Variants in DENND6B observed in about 807,000 individuals in gnomAD.
The protein encoded by DENND6B is protein DENND6B.
DENND6B carries 73 observed loss-of-function variants against 85.1 expected under a neutral mutation model. The ratio of observed to expected loss-of-function variants is 0.86; its 90% confidence interval spans 0.71 to 1.04. The LOEUF (loss-of-function observed/expected upper bound fraction) is 1.04, where lower values mean the gene tolerates loss of function less well. Ranked by LOEUF, DENND6B falls within the 50% of genes least tolerant of loss-of-function variation. The pLI is 0.00. For missense variants in DENND6B, 715 were observed against 785.8 expected, an observed-to-expected ratio of 0.91 and a Z score of 1.08; for synonymous variants, 357 against 329.3, an observed-to-expected ratio of 1.08 and a Z score of -0.91.
chr22:50,325,058 G>A (rs1246407345), intron 1 of DENND6B, among the ~76,000 whole-genome samples: 2 of 152,184 alleles, frequency 1.3e-5, no homozygotes, highest in Non-Finnish European at 2.9e-5. Context: ...AGGGAGGAAA[G>A]GCAAGAGTCA....
At chr22:50,312,725 G>A (rs2068089759) in intron 17 of DENND6B, 100 bp from the exon 18 acceptor site, 2 of 500,148 alleles carry the variant, frequency 4.0e-6, no homozygotes, top group East Asian at 6.5e-5. Flanking sequence ...GGGGGGCCAT[G>A]GGGCTGACCC....
At chr22:50,318,267 T>C (rs1464214478) in intron 3 of DENND6B, among the ~76,000 whole-genome samples, 1 of 152,000 alleles carries the variant, frequency 6.6e-6, no homozygotes, top group Non-Finnish European at 1.5e-5. Context: ...CACTTGAACT[T>C]AGGGGGCGGA....
At position 50,318,967 on chromosome 22, in the gene DENND6B, C is replaced by T. The variant is rs2041950357; in HGVS notation, c.214G>A (p.Glu72Lys). The change falls in exon 2 of 20, where the codon GAG becomes AAG. Residue 72 changes from glutamate to lysine, a missense_variant and splice_region_variant. Transcript: ENST00000413817. ...YPNDFRLTDK[E>K]KSSICYLSFP... ...TTCCCAAGAGGGCCGGGACTCACCT[C>T]CTTGTCTGTGAGCCGGAAGTCGTTC... 1 of 1,606,958 alleles carries T rather than the reference C, an allele frequency of 6.2e-7. No individual in the cohort carries two copies. Among genetic ancestry groups the T allele is most frequent in the East Asian group, 2.2e-5 (1 of 44,624 alleles).
rs1490217003 is a variant in DENND6B at position 50,316,391 on chromosome 22, G to C, written c.538C>G (p.Leu180Val). ...SLIAPEYFDKLAPCLEAVCSE... is the reference protein window; with the variant it reads ...SLIAPEYFDKVAPCLEAVCSE... ...TCACCTGCTTCCAGGCAGGGCGCCA[G>C]CTTGTCAAAGTACTCGGGGGCGATG... Residue 180 changes from leucine (L) to valine (V), a missense_variant, in exon 6 of 20, where the codon CTG (leucine) becomes GTG (valine). Transcript: ENST00000413817. 1 of 1,581,568 alleles carries C rather than the reference G, an allele frequency of 6.3e-7. No homozygotes were observed. Among genetic ancestry groups the C allele is most frequent in the Non-Finnish European group, 8.6e-7 (1 of 1,165,506 alleles).
chr22:50,316,126 C>T, intron 7 of DENND6B, 39 bp from the exon 8 acceptor site: 1 of 1,612,662 alleles, frequency 6.2e-7, no homozygotes, highest in Non-Finnish European at 8.5e-7. Flanking sequence ...GGGAGTAGGG[C>T]ATCCCCACAC....
intron 16 of DENND6B, 128 bp downstream of exon 16, chr22:50,313,318 A>C (rs2068112739): frequency 3.0e-6 from 4 of 1,331,500 alleles, no homozygotes; most frequent in Non-Finnish European, 4.1e-6. Context: ...CCAGTTTCAC[A>C]AACATGATGG....
chr22:50,313,366 T>A (rs2039739042), intron 16 of DENND6B, 80 bp downstream of exon 16: 14 of 1,497,438 alleles, frequency 9.3e-6, no homozygotes, highest in Non-Finnish European at 8.9e-7. Context: ...CACAGCCTCC[T>A]GCTCCAGACC....
Position 50,326,905 on chromosome 22 carries a change from C to T in DENND6B, c.84G>A (p.Ala28=). Residue 28 remains alanine, a synonymous_variant, in exon 1 of 20, where the codon GCG becomes GCA. Coordinates refer to ENST00000413817, the MANE Select transcript of DENND6B (RefSeq NM_001001794.4). ...AAGPTSSGRA[A]RTPAAPWARF... is the part of the protein sequence containing the mutation. ...GCGCCCAGGGCGCCGCCGGGGTCCG[C>T]GCCGCGCGACCTGAAGACGTGGGTC... The T allele has an allele frequency of 7.2e-7, 1 of 1,388,316 alleles. No homozygotes were observed. 86.0% of individuals were successfully genotyped at this position (1,388,316 alleles called of 1,614,324 possible). A position where few individuals can be genotyped will look rare whatever the true frequency, so the allele number is the denominator to read the frequency against.
chr22:50,314,343 C>T (rs937838436), intron 12 of DENND6B, 57 bp downstream of exon 12: 82 of 1,580,996 alleles, frequency 5.2e-5, no homozygotes, highest in Middle Eastern at 1.7e-4. Context: ...TCTGAGGCGG[C>T]CCCACACTCA....
chr22:50,313,222 C>A, intron 16 of DENND6B, 114 bp from the exon 17 acceptor site: 1 of 1,205,756 alleles, frequency 8.3e-7, no homozygotes, highest in Non-Finnish European at 1.2e-6. Flanking sequence ...CCCCACCCTG[C>A]CTGGCACAGA....
chr22:50,324,862 G>A (rs1322429274), intron 1 of DENND6B, among the ~76,000 whole-genome samples: 2 of 152,168 alleles, frequency 1.3e-5, no homozygotes, highest in Non-Finnish European at 2.9e-5. Context: ...ATTTACCTAA[G>A]CCCATTCCTT....
intron 1 of DENND6B, among the ~76,000 whole-genome samples, chr22:50,326,345 G>A (rs1002304721): frequency 6.6e-6 from 1 of 152,250 alleles, no homozygotes; most frequent in African/African-American, 2.4e-5. Context: ...GAACTCTGGG[G>A]TGCAGCTGGG....
chr22:50,316,455 G>T lies in DENND6B; in HGVS notation c.474C>A (p.Arg158=). The part of the protein sequence containing the change: ...YFQKSLVLVS[R]LPFVRLFQAL... ...CTTGGAACAGCCGGACAAAGGGCAA[G>T]CGGGACACCAGCACCAAAGACTGCA... is the stretch of plus-strand genomic sequence containing the variant. Residue 158 remains arginine, a synonymous_variant, in exon 6 of 20, where the codon CGC becomes CGA. Coordinates refer to ENST00000413817, the MANE Select transcript of DENND6B (RefSeq NM_001001794.4). The T allele has an allele frequency of 6.3e-7, 1 of 1,584,366 alleles. No homozygotes were observed.
In DENND6B at chr22:50,316,490, G is replaced by T. The variant is rs1267654319; in HGVS notation, c.454-15C>A. 2 of 1,561,484 alleles carry T rather than the reference G, an allele frequency of 1.3e-6. No homozygotes were observed. Among genetic ancestry groups the T allele is most frequent in the Non-Finnish European group, 1.7e-6 (2 of 1,154,296 alleles). Reference sequence around the variant, plus strand: ...AGCACCAAAGACTGCAGGGCCACGGGGCCAGTTAGAGGCCCAGTGCCAGGC... The same window carrying T: ...AGCACCAAAGACTGCAGGGCCACGGTGCCAGTTAGAGGCCCAGTGCCAGGC... On this transcript the variant is annotated splice_polypyrimidine_tract_variant and intron_variant, in intron 5 of 19. Transcript: ENST00000413817.
rs1265587217 is a variant in DENND6B at position 50,316,177 on chromosome 22, GACA to G, written c.633_635del (p.Val212del). 1.2e-6 allele frequency: 2 copies of G among 1,612,424 alleles called. No individual in the cohort carries two copies. The highest frequency in any genetic ancestry group is 1.3e-5 in the African/African-American group (1 of 75,064). On this transcript the variant is annotated inframe_deletion, in exon 7 of 20. Transcript: ENST00000413817. The stretch of plus-strand genomic sequence containing the variant: ...TCCCCAGCCAGCTGGCTCTCACCTG[GACA>G]ACAACGCCCATGACAGGTAGGTTCA...
chr22:50,317,828 G>A, intron 4 of DENND6B, 80 bp downstream of exon 4: 1 of 1,399,520 alleles, frequency 7.1e-7, no homozygotes, highest in Non-Finnish European at 9.6e-7. Context: ...CTCTGAAGGG[G>A]CTTCTCCTAC....
intron 1 of DENND6B, 172 bp from the exon 2 acceptor site, chr22:50,319,175 G>T: frequency 6.6e-7 from 1 of 1,520,498 alleles, no homozygotes. Context: ...ACAGCACGCT[G>T]CATCCTCCCC....
chr22:50,325,334 C>CT (rs67536916), intron 1 of DENND6B, among the ~76,000 whole-genome samples: 1,666 of 123,712 alleles, frequency 0.013, 19 homozygotes, highest in African/African-American at 0.026. Flanking sequence ...GAGGAACCTC[C>CT]TTTTTTTTTT....
At chr22:50,325,598 G>A (rs1373781478) in intron 1 of DENND6B, among the ~76,000 whole-genome samples, 1 of 152,116 alleles carries the variant, frequency 6.6e-6, no homozygotes, top group Non-Finnish European at 1.5e-5. Context: ...GCCTCTCAAA[G>A]TGCTGGGATT....
Sources: gnomAD v4.1 joint callset for allele counts (sites outside exome capture counted in the v4.1 genomes callset) on GRCh38, gnomAD v4.1.1 for gene constraint, MANE v1.5 for transcripts, NCBI Gene and HGNC (gene_info 2026-07-23, HGNC 2026-07-21) for gene names.